The following ZNF341 variants were observed in gnomAD, a reference collection of about 807,000 sequenced individuals.
ZNF341 encodes the protein zinc finger protein 341.
A neutral mutation model predicts 87.7 loss-of-function variants in ZNF341; 52 were observed. The ratio of observed to expected loss-of-function variants is 0.59; its 90% CI spans 0.47 to 0.75. The LOEUF (loss-of-function observed/expected upper bound fraction) is 0.75. ZNF341 is among the 30% of genes least tolerant of loss of function. The pLI, the probability that ZNF341 is intolerant of heterozygous loss-of-function variation, is 0.00. For missense variants in ZNF341, 977 were observed against 1,145.9 expected, an observed-to-expected ratio of 0.85 and a Z score of 2.13; for synonymous variants, 459 against 472.7, an observed-to-expected ratio of 0.97 and a Z score of 0.38.
chr20:33,767,384 C>CT (rs11480143), intron 9 of ZNF341, among the ~76,000 whole-genome samples: 142,226 of 144,298 alleles, frequency 0.99, 70,103 homozygotes, highest in South Asian at 1. Context: ...GTGATCACTT[C>CT]TTTTTTTTTT....
At chr20:33,786,386 TG>T (rs1420517951) in intron 12 of ZNF341, among the ~76,000 whole-genome samples, 1 of 152,162 alleles carries the variant, frequency 6.6e-6, no homozygotes, top group African/African-American at 2.4e-5. Context: ...CTTTTGGAAG[TG>T]TATCTGTAGT....
Position 33,732,000 on chromosome 20 carries a change from C to A in ZNF341, c.-22C>A. The A allele has an allele frequency of 7.0e-7, 1 of 1,435,474 alleles. No homozygotes were observed. Among genetic ancestry groups the A allele is most frequent in the Non-Finnish European group, 9.2e-7 (1 of 1,089,424 alleles). 88.9% of individuals were successfully genotyped at this position (1,435,474 alleles called of 1,614,324 possible). The stretch of plus-strand genomic sequence containing the variant: ...CGTAGCCGGGCTTCGGTTCCTGTGG[C>A]GGCGACGGCGGCGGCTCCAAGATGG... On this transcript the variant is annotated 5_prime_UTR_variant, in exon 1 of 15. Coordinates refer to ENST00000375200, the MANE Select transcript of ZNF341 (RefSeq NM_001282933.2).
At chr20:33,741,281 C>T (rs2018796220) in intron 2 of ZNF341, among the ~76,000 whole-genome samples, 1 of 152,176 alleles carries the variant, frequency 6.6e-6, no homozygotes, top group Admixed American at 6.6e-5. Context: ...CAATGCCTGA[C>T]AACAATGCCT....
At chr20:33,772,009 T>TGAAAAAAAAAA (rs2019542249) in intron 10 of ZNF341, among the ~76,000 whole-genome samples, 1 of 27,206 alleles carries the variant, frequency 3.7e-5, no homozygotes, top group Non-Finnish European at 6.0e-5. Context: ...GACGCTTGTC[T>TGAAAAAAAAAA]TAAAAAAAAA....
At chr20:33,754,842 T>C (rs1019272759) in intron 5 of ZNF341, among the ~76,000 whole-genome samples, 1 of 152,204 alleles carries the variant, frequency 6.6e-6, no homozygotes, top group Non-Finnish European at 1.5e-5. Flanking sequence ...ATGGGAACTC[T>C]CCTGAAAAGC....
intron 10 of ZNF341, among the ~76,000 whole-genome samples, chr20:33,774,915 G>C (rs1201836511): frequency 1.4e-4 from 21 of 152,112 alleles, no homozygotes; most frequent in Admixed American, 1.4e-3. Flanking sequence ...AGTGAGCCGT[G>C]ATCATGCCAC....
chr20:33,741,511 C>A (rs757856683), intron 2 of ZNF341, among the ~76,000 whole-genome samples: 1 of 151,768 alleles, frequency 6.6e-6, no homozygotes, highest in Non-Finnish European at 1.5e-5. Context: ...TCAAGCAATT[C>A]TCATACCTCA....
intron 2 of ZNF341, among the ~76,000 whole-genome samples, chr20:33,741,520 C>T (rs2018802595): frequency 6.6e-6 from 1 of 152,010 alleles, no homozygotes; most frequent in African/African-American, 2.4e-5. Context: ...TCTCATACCT[C>T]AGCCTCCTGC....
At chr20:33,751,095 G>A (rs1274874734) in intron 4 of ZNF341, among the ~76,000 whole-genome samples, 1 of 152,108 alleles carries the variant, frequency 6.6e-6, no homozygotes, top group African/African-American at 2.4e-5. Context: ...TTTAACAACT[G>A]CAAAGGATTC....
chr20:33,766,864 C>T lies in ZNF341; in HGVS notation c.1236C>T (p.Pro412=). 1.2e-6 allele frequency: 2 copies of T among 1,611,174 alleles called. No homozygotes were observed. The highest frequency in any genetic ancestry group is 1.7e-6 in the Non-Finnish European group (2 of 1,178,510). ...EDEESTGLGQ[P]LPGAPQPQAL... is the part of the protein sequence containing the mutation. The stretch of plus-strand genomic sequence containing the variant: ...CTTTCTCCACAGGGTTGGGCCAGCC[C>T]CTGCCGGGTGCGCCACAGCCCCAGG... Residue 412 remains proline, a synonymous_variant, in exon 9 of 15, where the codon CCC becomes CCT. Transcript: ENST00000375200.
chr20:33,776,070 AT>A (rs1483523421), intron 10 of ZNF341, among the ~76,000 whole-genome samples: 1 of 151,920 alleles, frequency 6.6e-6, no homozygotes, highest in African/African-American at 2.4e-5. Flanking sequence ...TAATTTTAAT[AT>A]AATTAATTAA....
chr20:33,743,617 G>A (rs2122641788), intron 2 of ZNF341, among the ~76,000 whole-genome samples: 1 of 152,140 alleles, frequency 6.6e-6, no homozygotes, highest in East Asian at 1.9e-4. Context: ...AGGATTACAG[G>A]TGTGAGTGAG....
At chr20:33,789,385 A>G (rs2019948065) in intron 13 of ZNF341, 133 bp from the exon 14 acceptor site, 1 of 882,524 alleles carries the variant, frequency 1.1e-6, no homozygotes, top group South Asian at 1.4e-5. Flanking sequence ...TGCCTGCCTC[A>G]CTTCCCACCC....
At chr20:33,758,844 G>A (rs1210390715) in intron 7 of ZNF341, 38 bp downstream of exon 7, 7 of 1,574,032 alleles carry the variant, frequency 4.4e-6, no homozygotes, top group East Asian at 2.2e-5. Context: ...TCCTGGGCAG[G>A]TGTGGCTGGG....
rs1363411728 is a variant in ZNF341, at chr20:33,748,355, C to T, written c.340-568C>T. On this transcript the variant is annotated intron_variant, in intron 3 of 14. Transcript: ENST00000375200. ...AAAGTGCTGGGATTACAGGCGTGAG[C>T]CACCATGCCTGGCTGATACAAGGAA... Among the ~76,000 whole-genome samples the T allele has an allele frequency of 2.0e-5, 3 of 152,304 alleles. No individual in the cohort carries two copies. The East Asian group carries it at 5.8e-4, about 29-fold the overall frequency.
intron 7 of ZNF341, among the ~76,000 whole-genome samples, chr20:33,761,427 G>T (rs1310566157): frequency 6.6e-6 from 1 of 152,080 alleles, no homozygotes; most frequent in Admixed American, 6.6e-5. Context: ...ACCACACCCA[G>T]TTAATTTTTT....
At chr20:33,782,915 G>A (rs2019773006) in intron 11 of ZNF341, among the ~76,000 whole-genome samples, 1 of 152,146 alleles carries the variant, frequency 6.6e-6, no homozygotes, top group Non-Finnish European at 1.5e-5. Context: ...CAGCACTTCG[G>A]GAGGCTGAGG....
chr20:33,753,804 A>G (rs1261165663), intron 5 of ZNF341, among the ~76,000 whole-genome samples: 1 of 152,236 alleles, frequency 6.6e-6, no homozygotes, highest in Non-Finnish European at 1.5e-5. Flanking sequence ...TGTATCAGTT[A>G]GCTATTGCTG....
chr20:33,745,346 C>T, intron 3 of ZNF341, 47 bp downstream of exon 3: 1 of 1,556,244 alleles, frequency 6.4e-7, no homozygotes, highest in South Asian at 1.2e-5. Flanking sequence ...GAGGGCCTAA[C>T]ATGCTCAGGC....
Sources: gnomAD v4.1 joint callset for allele counts (sites outside exome capture counted in the v4.1 genomes callset) on GRCh38, gnomAD v4.1.1 for gene constraint, MANE v1.5 for transcripts, NCBI Gene and HGNC (gene_info 2026-07-23, HGNC 2026-07-21) for gene names.